Variants in DENND1A observed in about 807,000 individuals in gnomAD.
The protein encoded by DENND1A is DENN domain-containing protein 1A.
DENND1A carries 51 observed loss-of-function variants against 113.7 expected under a neutral mutation model. The ratio of observed to expected loss-of-function variants is 0.45; its 90% confidence interval spans 0.36 to 0.57. DENND1A has a LOEUF of 0.57. Ranked by LOEUF, DENND1A falls within the 20% of genes least tolerant of loss-of-function variation. The pLI is 0.00. For missense variants in DENND1A, 1,258 were observed against 1,395.9 expected (o/e 0.90, Z 1.57); for synonymous variants, 565 against 570.8 (o/e 0.99, Z 0.14).
intron 2 of DENND1A, among the ~76,000 whole-genome samples, chr9:123,810,140 A>G (rs1836301093): frequency 6.6e-6 from 1 of 152,184 alleles, no homozygotes; most frequent in African/African-American, 2.4e-5. Context: ...GGAATAACAA[A>G]GATTACTGGC....
At chr9:123,462,963 C>T (rs543217095) in intron 13 of DENND1A, among the ~76,000 whole-genome samples, 34 of 152,232 alleles carry the variant, frequency 2.2e-4, no homozygotes, top group African/African-American at 7.7e-4. Flanking sequence ...CCCACCAGCT[C>T]GTCCACCTGC....
At chr9:123,707,999 AG>A (rs1022695649) in intron 5 of DENND1A, among the ~76,000 whole-genome samples, 13 of 152,194 alleles carry the variant, frequency 8.5e-5, no homozygotes, top group Non-Finnish European at 4.4e-5. Context: ...TGTTCTTGCT[AG>A]GAATCTGGAA....
At chr9:123,771,137 T>C (rs1278647230) in intron 3 of DENND1A, among the ~76,000 whole-genome samples, 3 of 152,198 alleles carry the variant, frequency 2.0e-5, no homozygotes, top group African/African-American at 4.8e-5. Context: ...ATTACTTATA[T>C]ATTAGTTAAC....
At chr9:123,664,734 ATTAAT>A (rs1276015072) in intron 8 of DENND1A, among the ~76,000 whole-genome samples, 3 of 152,304 alleles carry the variant, frequency 2.0e-5, no homozygotes, top group Non-Finnish European at 4.4e-5. Flanking sequence ...TAAACCTTTA[ATTAAT>A]TTATTATTAT....
chr9:123,888,617 C>T (rs1380644406), intron 1 of DENND1A, among the ~76,000 whole-genome samples: 1 of 152,134 alleles, frequency 6.6e-6, no homozygotes, highest in African/African-American at 2.4e-5. Flanking sequence ...TCAGACAAAA[C>T]CAAGTGGAAG....
At chr9:123,614,376 T>C (rs2060548674) in intron 10 of DENND1A, among the ~76,000 whole-genome samples, 1 of 152,220 alleles carries the variant, frequency 6.6e-6, no homozygotes, top group African/African-American at 2.4e-5. Context: ...AGGTAAGTCC[T>C]ATGGCATGAG....
intron 10 of DENND1A, among the ~76,000 whole-genome samples, chr9:123,610,987 T>TC: frequency 6.6e-6 from 1 of 152,334 alleles, no homozygotes; most frequent in South Asian, 2.1e-4. Context: ...ATCCTTTCTT[T>TC]CCCCAGAATA....
chr9:123,457,742 A>G, intron 14 of DENND1A, 51 bp downstream of exon 14: 1 of 1,524,138 alleles, frequency 6.6e-7, no homozygotes, highest in Non-Finnish European at 8.9e-7. Context: ...AGACAGCTGC[A>G]GAAATCCCCG....
At chr9:123,641,330 A>G (rs1368577114) in intron 9 of DENND1A, among the ~76,000 whole-genome samples, 1 of 152,076 alleles carries the variant, frequency 6.6e-6, no homozygotes, top group Non-Finnish European at 1.5e-5. Context: ...AGAAGCTATC[A>G]GTCCTGCAAT....
At chr9:123,763,706 C>T (rs181277950) in intron 4 of DENND1A, among the ~76,000 whole-genome samples, 3 of 151,784 alleles carry the variant, frequency 2.0e-5, no homozygotes, top group Admixed American at 2.0e-4. Flanking sequence ...GGAGAAGAGA[C>T]CAAAGAAAGG....
intron 2 of DENND1A, among the ~76,000 whole-genome samples, chr9:123,825,614 G>T (rs918487599): frequency 6.6e-6 from 1 of 152,236 alleles, no homozygotes; most frequent in Non-Finnish European, 1.5e-5. Flanking sequence ...CCCATCTACC[G>T]TAAGATGCAT....
At chr9:123,847,167 T>A (rs12342767) in intron 2 of DENND1A, among the ~76,000 whole-genome samples, 17,143 of 152,070 alleles carry the variant, frequency 0.11, 1,077 homozygotes, top group Admixed American at 0.13. Flanking sequence ...TAAAAGCAAT[T>A]AGACACAGCT....
At chr9:123,420,409 C>T (rs376467712) in intron 19 of DENND1A, among the ~76,000 whole-genome samples, 14 of 152,164 alleles carry the variant, frequency 9.2e-5, no homozygotes, top group East Asian at 3.9e-4. Flanking sequence ...CCTCCAGAGG[C>T]GCCACCTGCG....
chr9:123,846,388 C>A (rs548909911), intron 2 of DENND1A, among the ~76,000 whole-genome samples: 4 of 152,284 alleles, frequency 2.6e-5, no homozygotes, highest in Admixed American at 6.5e-5. Context: ...CATATACCAA[C>A]AATGAATGAC....
At chr9:123,847,069 C>T (rs1254551183) in intron 2 of DENND1A, among the ~76,000 whole-genome samples, 1 of 152,138 alleles carries the variant, frequency 6.6e-6, no homozygotes, top group Non-Finnish European at 1.5e-5. Context: ...TCTTGAATTC[C>T]TGGCCTCAAG....
chr9:123,496,716 C>T (rs1228833063), intron 13 of DENND1A, among the ~76,000 whole-genome samples: 2 of 152,094 alleles, frequency 1.3e-5, no homozygotes, highest in Admixed American at 6.5e-5. Flanking sequence ...TGTGGGTCAG[C>T]GGTGCATTCA....
At chr9:123,899,914 T>G (rs888911698) in intron 1 of DENND1A, among the ~76,000 whole-genome samples, 2 of 152,178 alleles carry the variant, frequency 1.3e-5, no homozygotes, top group Non-Finnish European at 2.9e-5. Context: ...AATAACCAGC[T>G]TATAGGTGGA....
chr9:123,563,143 C>A (rs1276452744), intron 12 of DENND1A, among the ~76,000 whole-genome samples: 1 of 152,122 alleles, frequency 6.6e-6, no homozygotes, highest in Non-Finnish European at 1.5e-5. Flanking sequence ...TAAGACACAA[C>A]CACAATGGCA....
intron 5 of DENND1A, among the ~76,000 whole-genome samples, chr9:123,688,194 A>G (rs2064938247): frequency 6.6e-6 from 1 of 152,212 alleles, no homozygotes; most frequent in Non-Finnish European, 1.5e-5. Flanking sequence ...TAACTTGCTC[A>G]CAGTCACACA....
Sources: allele counts gnomAD v4.1 joint callset (sites outside exome capture counted in the v4.1 genomes callset), GRCh38; gene constraint gnomAD v4.1.1; transcripts MANE v1.5; gene names NCBI Gene and HGNC (gene_info 2026-07-23, HGNC 2026-07-21).